FAM135B: variants seen among roughly 807,000 people sequenced by gnomAD.
FAM135B encodes the protein family with sequence similarity 135 member B.
FAM135B carries 43 observed loss-of-function variants against 127.7 expected under a neutral mutation model. That is an observed-to-expected ratio of 0.34 (90% confidence interval 0.26 to 0.43). The LOEUF (loss-of-function observed/expected upper bound fraction) is 0.43, where lower values mean the gene tolerates loss of function less well. FAM135B is among the 20% of genes least tolerant of loss of function. The pLI is 1.00. For synonymous variants in FAM135B, 670 were observed against 665.1 expected (o/e 1.01, Z -0.11); for missense variants, 1,558 against 1,725.6 (o/e 0.90, Z 1.72).
intron 4 of FAM135B, among the ~76,000 whole-genome samples, chr8:138,262,904 A>G (rs969221420): frequency 1.0e-3 from 8 of 7,850 alleles, no homozygotes; most frequent in Non-Finnish European, 3.5e-3. Context: ...TCTGTCTCAG[A>G]AAAAAAAAAA....
intron 2 of FAM135B, among the ~76,000 whole-genome samples, chr8:138,349,306 T>C (rs957236566): frequency 6.6e-6 from 1 of 152,198 alleles, no homozygotes; most frequent in Non-Finnish European, 1.5e-5. Flanking sequence ...GGAGAAAGAA[T>C]GTAGACTTGG....
intron 1 of FAM135B, among the ~76,000 whole-genome samples, chr8:138,489,133 T>C (rs925283840): frequency 6.6e-6 from 1 of 152,200 alleles, no homozygotes; most frequent in Non-Finnish European, 1.5e-5. Flanking sequence ...GCCAAACTCT[T>C]TTCTGAGTTT....
intron 6 of FAM135B, among the ~76,000 whole-genome samples, chr8:138,245,882 G>C (rs115480663): frequency 1.3e-5 from 2 of 151,082 alleles, no homozygotes; most frequent in African/African-American, 2.5e-5. Flanking sequence ...GAACTTTCTA[G>C]AGACGTGTTG....
At position 138,304,917 on chromosome 8, in the gene FAM135B, G is replaced by A. The variant is rs143528615; in HGVS notation, c.157+5924C>T. On this transcript the variant is annotated intron_variant, in intron 3 of 19. Transcript: ENST00000395297. ...TGGAAGAGCCCCTTTTAAGTGCTTC[G>A]CTTAATCAGGAAGGCCACTCTGCCA... 6.9e-3 allele frequency among the ~76,000 whole-genome samples: 1,056 copies of A among 152,260 alleles called. 13 individuals are homozygous for A. Among genetic ancestry groups the A allele is most frequent in the South Asian group, 0.049 (236 of 4,820 alleles).
At position 138,197,546 on chromosome 8, in the gene FAM135B, C is replaced by A. The variant is rs2131136902; in HGVS notation, c.793G>T (p.Asp265Tyr). The A allele has an allele frequency of 3.1e-6, 5 of 1,614,102 alleles. No homozygotes were observed. The highest frequency in any genetic ancestry group is 4.2e-6 in the Non-Finnish European group (5 of 1,180,012). ...LRLHFLVIMRDIPELPHTELE... is the reference protein window; with the variant it reads ...LRLHFLVIMRYIPELPHTELE... ...TCCGTGTGTGGCAGCTCTGGGATGT[C>A]CCGCATGATCACCAGGAAGTGGAGA... Residue 265 changes from aspartate (D) to tyrosine (Y), a missense_variant, in exon 8 of 20, where the codon GAC (aspartate) becomes TAC (tyrosine). Physicochemically the swap from Asp to Tyr is radical, Grantham distance 160 (BLOSUM62 -3). This residue lies in a region of FAM135B where 127 missense variants were observed against 109.7 expected (regional missense o/e 1.16). Coordinates refer to ENST00000395297, the MANE Select transcript of FAM135B (RefSeq NM_015912.4).
At chr8:138,497,284 C>A (rs1165018052), upstream of FAM135B, among the ~76,000 whole-genome samples, 1 of 150,308 alleles carries the variant, frequency 6.7e-6, no homozygotes, top group Non-Finnish European at 1.5e-5. Flanking sequence ...GGCTCACGCG[C>A]TCCCACCTCG....
At chr8:138,314,034 C>A (rs1292862837) in intron 2 of FAM135B, among the ~76,000 whole-genome samples, 1 of 151,834 alleles carries the variant, frequency 6.6e-6, no homozygotes, top group African/African-American at 2.4e-5. Context: ...TGAGATGGAC[C>A]CCAGGCATAG....
intron 3 of FAM135B, among the ~76,000 whole-genome samples, chr8:138,276,906 G>A (rs560717441): frequency 1.3e-5 from 2 of 152,308 alleles, no homozygotes; most frequent in South Asian, 4.2e-4. Flanking sequence ...AGAAGGTGAG[G>A]GTCTGGAATG....
chr8:138,241,657 C>A lies in FAM135B; in HGVS notation c.669+1285G>T, dbSNP rs527387743. Among the ~76,000 whole-genome samples the A allele has an allele frequency of 6.6e-6, 1 of 152,092 alleles. No individual in the cohort carries two copies. Among genetic ancestry groups the A allele is most frequent in the Admixed American group, 6.5e-5 (1 of 15,270 alleles). On this transcript the variant is annotated intron_variant, in intron 7 of 19. Transcript: ENST00000395297. This position sits in a 1 kb window ranked among gnomAD's most constrained non-coding sequence, Gnocchi z 4.8. The stretch of plus-strand genomic sequence containing the variant: ...ATAGGAGGATAGAACACCTCTTTTG[C>A]GGGGCTGACTGGGCATGGACAGTTT...
chr8:138,354,458 G>A (rs893981663), intron 2 of FAM135B, among the ~76,000 whole-genome samples: 2 of 152,118 alleles, frequency 1.3e-5, no homozygotes, highest in Non-Finnish European at 2.9e-5. Flanking sequence ...TCTGGCTTGT[G>A]AATGCCCTCT....
chr8:138,374,435 T>C (rs1379590545), intron 1 of FAM135B, among the ~76,000 whole-genome samples: 1 of 152,268 alleles, frequency 6.6e-6, no homozygotes, highest in African/African-American at 2.4e-5. Context: ...GTTACTTTTC[T>C]TCCTTGAAGA....
At chr8:138,184,592 T>C (rs1815379968) in intron 9 of FAM135B, among the ~76,000 whole-genome samples, 1 of 152,152 alleles carries the variant, frequency 6.6e-6, no homozygotes, top group Non-Finnish European at 1.5e-5. Flanking sequence ...AGTCTGGGTA[T>C]TGCTGCCAAG....
At chr8:138,217,759 G>C (rs910105787) in intron 7 of FAM135B, among the ~76,000 whole-genome samples, 2 of 152,128 alleles carry the variant, frequency 1.3e-5, no homozygotes, top group Non-Finnish European at 2.9e-5. Flanking sequence ...ACAGCATTCA[G>C]TGAGTTTCCT....
intron 1 of FAM135B, among the ~76,000 whole-genome samples, chr8:138,474,916 C>T (rs1373105945): frequency 6.6e-6 from 1 of 152,102 alleles, no homozygotes; most frequent in Non-Finnish European, 1.5e-5. Flanking sequence ...AAGTAATTCA[C>T]ATACTACTAA....
At chr8:138,301,268 C>T (rs62529148) in intron 3 of FAM135B, among the ~76,000 whole-genome samples, 1,765 of 152,286 alleles carry the variant, frequency 0.012, 23 homozygotes, top group Non-Finnish European at 0.017. Context: ...ACTCAAATGC[C>T]AGGCATCATA....
chr8:138,149,199 C>T lies in FAM135B; in HGVS notation c.3282-513G>A, dbSNP rs186949314. Among the ~76,000 whole-genome samples, 52 of 151,410 alleles carry T rather than the reference C, an allele frequency of 3.4e-4. No individual in the cohort carries two copies. In the East Asian group the frequency reaches 6.0e-3, roughly 18 times the overall value. ...GAGAAAACCAAAAACAAAAAAACCC[C>T]GAAGCTTCTATGGGTTTTGGTTCTG... On this transcript the variant is annotated intron_variant, in intron 13 of 19. Coordinates refer to ENST00000395297, the MANE Select transcript of FAM135B (RefSeq NM_015912.4).
intron 12 of FAM135B, 139 bp from the exon 13 acceptor site, chr8:138,153,355 C>A (rs1468356564): frequency 7.9e-6 from 5 of 636,170 alleles, no homozygotes. Flanking sequence ...GAGCTCCAGT[C>A]TACAGCTCCC....
chr8:138,331,313 G>A (rs542737421), intron 2 of FAM135B, among the ~76,000 whole-genome samples: 8 of 152,098 alleles, frequency 5.3e-5, no homozygotes, highest in Non-Finnish European at 1.2e-4. Context: ...AAAGGTCTTC[G>A]CAGCATTTTT....
chr8:138,316,372 TA>T (rs1827091416), intron 2 of FAM135B, among the ~76,000 whole-genome samples: 2 of 151,944 alleles, frequency 1.3e-5, no homozygotes, highest in Non-Finnish European at 2.9e-5. Flanking sequence ...CGGGCGCCTG[TA>T]GTCCCAGCTA....
Sources: gnomAD v4.1 joint callset for allele counts (sites outside exome capture counted in the v4.1 genomes callset) on GRCh38, gnomAD v4.1.1 for gene constraint, gnomAD v4.1.1 regional missense constraint, Gnocchi (gnomAD v3.1) non-coding constraint, MANE v1.5 for transcripts, NCBI Gene and HGNC (gene_info 2026-07-23, HGNC 2026-07-21) for gene names.